The following WWOX variants were observed in gnomAD, a reference collection of about 807,000 sequenced individuals.
WWOX encodes the protein WW domain-containing oxidoreductase.
WWOX carries 69 observed loss-of-function variants against 46.2 expected under a neutral mutation model. That is an observed-to-expected ratio of 1.49 (90% CI 1.23 to 1.82). The LOEUF (loss-of-function observed/expected upper bound fraction) is 1.82. Ranked by LOEUF, WWOX falls within the 40% of genes most tolerant of loss-of-function variation. The pLI is 0.00. For synonymous variants in WWOX, 359 were observed against 202.6 expected (o/e 1.77, Z -6.56); for missense variants, 919 against 542.6 (o/e 1.69, Z -6.89).
At chr16:79,122,660 T>G (rs2049663248) in intron 8 of WWOX, among the ~76,000 whole-genome samples, 1 of 152,036 alleles carries the variant, frequency 6.6e-6, no homozygotes, top group South Asian at 2.1e-4. Context: ...GCTAATTCCT[T>G]AATTTGTTTT....
chr16:78,644,868 A>G (rs1039747309), intron 8 of WWOX, among the ~76,000 whole-genome samples: 1 of 152,192 alleles, frequency 6.6e-6, no homozygotes, highest in African/African-American at 2.4e-5. Context: ...AAGAGGATAG[A>G]TGTAGAAAAT....
intron 5 of WWOX, among the ~76,000 whole-genome samples, chr16:78,384,212 A>G (rs1225905347): frequency 1.3e-5 from 2 of 152,196 alleles, no homozygotes; most frequent in South Asian, 2.1e-4. Flanking sequence ...CCCCCTCCAC[A>G]GCATAATGAA....
intron 8 of WWOX, among the ~76,000 whole-genome samples, chr16:78,847,008 A>T (rs1190830151): frequency 6.6e-6 from 1 of 152,218 alleles, no homozygotes; most frequent in Non-Finnish European, 1.5e-5. Context: ...GGCCCATAGG[A>T]GGTCTTTCGG....
intron 8 of WWOX, among the ~76,000 whole-genome samples, chr16:79,184,722 G>A (rs1035351210): frequency 9.9e-5 from 15 of 152,182 alleles, no homozygotes; most frequent in Non-Finnish European, 1.5e-5. Flanking sequence ...AAGAGTGGGA[G>A]TCTAGGAAGA....
chr16:78,418,085 G>T (rs1383854349), intron 6 of WWOX, among the ~76,000 whole-genome samples: 1 of 152,178 alleles, frequency 6.6e-6, no homozygotes, highest in African/African-American at 2.4e-5. Context: ...TACTGGCCGG[G>T]AACGGTGGCT....
At chr16:78,831,703 G>C (rs569761521) in intron 8 of WWOX, among the ~76,000 whole-genome samples, 2 of 152,282 alleles carry the variant, frequency 1.3e-5, no homozygotes, top group South Asian at 2.1e-4. Flanking sequence ...TTTATGTAAA[G>C]CACAAAGCAT....
chr16:78,775,330 T>C (rs2142534670), intron 8 of WWOX, among the ~76,000 whole-genome samples: 1 of 152,288 alleles, frequency 6.6e-6, no homozygotes, highest in East Asian at 1.9e-4. Context: ...AATCACAGTG[T>C]GTCATCCCCT....
intron 7 of WWOX, among the ~76,000 whole-genome samples, chr16:78,432,202 C>T (rs893677008): frequency 1.3e-4 from 20 of 151,888 alleles, no homozygotes; most frequent in African/African-American, 4.8e-4. Context: ...ACTGCAACCT[C>T]TGCCTCCCAT....
At chr16:78,700,613 C>A (rs534358752) in intron 8 of WWOX, among the ~76,000 whole-genome samples, 58 of 152,196 alleles carry the variant, frequency 3.8e-4, no homozygotes, top group Non-Finnish European at 7.1e-4. Context: ...TCAGCTGTTA[C>A]CTCCTGTCAT....
chr16:78,416,040 G>C (rs1012287482), intron 6 of WWOX, among the ~76,000 whole-genome samples: 1 of 152,082 alleles, frequency 6.6e-6, no homozygotes, highest in Non-Finnish European at 1.5e-5. Context: ...GGAATCTCAG[G>C]CTCTAAACAA....
chr16:78,521,833 G>A (rs147946003), intron 8 of WWOX, among the ~76,000 whole-genome samples: 1 of 151,844 alleles, frequency 6.6e-6, no homozygotes, highest in East Asian at 1.9e-4. Flanking sequence ...TTGACCCTAA[G>A]CCTATGAAAA....
intron 8 of WWOX, among the ~76,000 whole-genome samples, chr16:78,792,049 G>T (rs2050615840): frequency 6.6e-6 from 1 of 152,196 alleles, no homozygotes; most frequent in South Asian, 2.1e-4. Context: ...ACATCCCATA[G>T]TCAGCTTAGC....
chr16:78,170,883 C>T (rs2035134908), intron 5 of WWOX, among the ~76,000 whole-genome samples: 1 of 152,172 alleles, frequency 6.6e-6, no homozygotes, highest in Admixed American at 6.5e-5. Flanking sequence ...ATGGAATGTG[C>T]ATGTTTTAGG....
At chr16:78,332,208 A>T (rs1366627275) in intron 5 of WWOX, among the ~76,000 whole-genome samples, 1 of 152,128 alleles carries the variant, frequency 6.6e-6, no homozygotes, top group Non-Finnish European at 1.5e-5. Context: ...TTTTTCCCAG[A>T]AAGACTGGAA....
At chr16:78,891,648 T>C (rs2044592618) in intron 8 of WWOX, 1 of 152,192 alleles carries the variant, frequency 6.6e-6, no homozygotes, top group South Asian at 2.1e-4. Context: ...GCATAAAATA[T>C]TGAACTATTG....
intron 8 of WWOX, among the ~76,000 whole-genome samples, chr16:78,967,653 G>A (rs1044886458): frequency 6.6e-6 from 1 of 151,984 alleles, no homozygotes; most frequent in East Asian, 1.9e-4. Context: ...CAAGACTGGT[G>A]TCATTCAGAT....
At chr16:79,197,385 C>T (rs2051261414) in intron 8 of WWOX, among the ~76,000 whole-genome samples, 1 of 152,180 alleles carries the variant, frequency 6.6e-6, no homozygotes, top group Non-Finnish European at 1.5e-5. Context: ...CCCAACTCTG[C>T]ATTCAGTTTA....
chr16:78,424,576 A>G (rs1309507389), intron 6 of WWOX, among the ~76,000 whole-genome samples: 1 of 152,200 alleles, frequency 6.6e-6, no homozygotes, highest in Non-Finnish European at 1.5e-5. Flanking sequence ...AACTCTTCGC[A>G]GATTGCCTGC....
chr16:79,127,999 C>T (rs2049795211), intron 8 of WWOX, among the ~76,000 whole-genome samples: 1 of 152,152 alleles, frequency 6.6e-6, no homozygotes, highest in Admixed American at 6.5e-5. Flanking sequence ...AGAGAAAGTG[C>T]ATGGCAAAGA....
Sources: allele counts gnomAD v4.1 joint callset (sites outside exome capture counted in the v4.1 genomes callset), GRCh38; gene constraint gnomAD v4.1.1; transcripts MANE v1.5; gene names NCBI Gene and HGNC (gene_info 2026-07-23, HGNC 2026-07-21).